AGAP1: variants seen among roughly 807,000 people sequenced by gnomAD.
AGAP1 encodes arf-GAP with GTPase, ANK repeat and PH domain-containing protein 1.
In AGAP1, 29 loss-of-function variants were observed where a neutral mutation model predicts 105.3. The ratio of observed to expected loss-of-function variants is 0.28; its 90% CI spans 0.21 to 0.38. The LOEUF is 0.38. Among genes scored for constraint, AGAP1 ranks in the 10% least tolerant of loss-of-function variants. The probability of loss-of-function intolerance (pLI) is 1.00; values close to 1 mark genes in which losing one functional copy is unlikely to be tolerated. For missense variants in AGAP1, 998 were observed against 1,165.1 expected (o/e 0.86, Z 2.09); for synonymous variants, 509 against 485.9 (o/e 1.05, Z -0.63).
chr2:235,580,749 A>G (rs1559264640), intron 1 of AGAP1, among the ~76,000 whole-genome samples: 1 of 152,118 alleles, frequency 6.6e-6, no homozygotes, highest in Non-Finnish European at 1.5e-5. Flanking sequence ...ACAGTCAGCA[A>G]TTGCAACAGT....
rs912561225 is a variant in AGAP1, at chr2:235,979,122, T to C, written c.1645+10499T>C. On this transcript the variant is annotated intron_variant, in intron 13 of 17. Coordinates refer to ENST00000304032, the MANE Select transcript of AGAP1 (RefSeq NM_001037131.3). The surrounding 1 kb of genome is among the most constrained non-coding windows in gnomAD (Gnocchi z 4.5). ...GGATGACAGAAGTGTATTTGTGGGG[T>C]TTTTTTGTTGTTGTTTTTGTTTTTT... Among the ~76,000 whole-genome samples, 5 of 151,040 alleles carry C rather than the reference T, an allele frequency of 3.3e-5. No homozygotes were observed. Among genetic ancestry groups the C allele is most frequent in the African/African-American group, 1.2e-4 (5 of 40,668 alleles).
At chr2:235,706,179 C>T (rs1338851519) in intron 1 of AGAP1, among the ~76,000 whole-genome samples, 1 of 152,106 alleles carries the variant, frequency 6.6e-6, no homozygotes, top group Non-Finnish European at 1.5e-5. Context: ...ATAGTCTCAG[C>T]CTTGACAAGC....
In AGAP1 at chr2:236,125,088, G is replaced by C. The variant is rs75525543; in HGVS notation, c.*966G>C. ...TCGTAAACTAAGGAAATACACAAAAGGCTGTTTTTTCCGACTGTAAGAGAT... is the reference window on the plus strand; with the variant it reads ...TCGTAAACTAAGGAAATACACAAAACGCTGTTTTTTCCGACTGTAAGAGAT... On this transcript the variant is annotated 3_prime_UTR_variant, in exon 18 of 18. Coordinates refer to ENST00000304032, the MANE Select transcript of AGAP1 (RefSeq NM_001037131.3). This position sits in a 1 kb window ranked among gnomAD's most constrained non-coding sequence, Gnocchi z 5.2. 1,562 of 165,534 alleles carry C rather than the reference G, an allele frequency of 9.4e-3. 23 individuals carry two copies. Among genetic ancestry groups the C allele is most frequent in the African/African-American group, 0.033 (1,392 of 41,554 alleles). The allele number at this position is 165,534 out of a possible 1,614,324, so 10.3% of individuals were successfully genotyped here. A position where few individuals can be genotyped will look rare whatever the true frequency, so the allele number is the denominator to read the frequency against.
At chr2:235,969,644 G>A (rs917412761) in intron 13 of AGAP1, among the ~76,000 whole-genome samples, 7 of 152,150 alleles carry the variant, frequency 4.6e-5, no homozygotes, top group African/African-American at 1.7e-4. Flanking sequence ...AGAGGGAGTG[G>A]CCCATCCCGT....
At chr2:235,589,939 G>A (rs1945273287) in intron 1 of AGAP1, among the ~76,000 whole-genome samples, 1 of 151,858 alleles carries the variant, frequency 6.6e-6, no homozygotes, top group Non-Finnish European at 1.5e-5. Context: ...GGAGTGCAGT[G>A]GTGCAATCTC....
At chr2:235,563,724 A>C (rs890559585) in intron 1 of AGAP1, among the ~76,000 whole-genome samples, 1 of 151,960 alleles carries the variant, frequency 6.6e-6, no homozygotes, top group African/African-American at 2.4e-5. Flanking sequence ...ATGGCTTGGG[A>C]AGGGGCCTCT....
rs2059430139 is a variant in AGAP1, at chr2:236,104,260, C to T, written c.2115-15932C>T. ...GTGAGAGATACGCCACCAGGCCAGG[C>T]TGACATGGGCAGTTCCAGTTTCCCA... On this transcript the variant is annotated intron_variant, in intron 16 of 17. Transcript: ENST00000304032. This position sits in a 1 kb window ranked among gnomAD's most constrained non-coding sequence, Gnocchi z 4.7. Among the ~76,000 whole-genome samples the T allele has an allele frequency of 6.6e-6, 1 of 152,252 alleles. No homozygotes were observed. Among genetic ancestry groups the T allele is most frequent in the South Asian group, 2.1e-4 (1 of 4,834 alleles).
chr2:235,529,324 C>G (rs1942964875), intron 1 of AGAP1, among the ~76,000 whole-genome samples: 1 of 152,188 alleles, frequency 6.6e-6, no homozygotes, highest in Non-Finnish European at 1.5e-5. Flanking sequence ...CCACTGTTGC[C>G]AAGTATCTTA....
rs1486799847 is a variant in AGAP1 at position 236,089,716 on chromosome 2, G to T, written c.2115-30476G>T. 6.6e-6 allele frequency among the ~76,000 whole-genome samples: 1 copy of T among 152,192 alleles called. No individual in the cohort carries two copies. The highest frequency in any genetic ancestry group is 2.4e-5 in the African/African-American group (1 of 41,444). On this transcript the variant is annotated intron_variant, in intron 16 of 17. Coordinates refer to ENST00000304032, the MANE Select transcript of AGAP1 (RefSeq NM_001037131.3). The surrounding 1 kb of genome is among the most constrained non-coding windows in gnomAD (Gnocchi z 5.6). Reference sequence around the variant, plus strand: ...TATGCTGCTTTTCAGACATCCAAATGGGGGATTGAACTGTGAGAGTGCAGG... The same window carrying T: ...TATGCTGCTTTTCAGACATCCAAATTGGGGATTGAACTGTGAGAGTGCAGG...
At chr2:235,507,932 T>G (rs973603015) in intron 1 of AGAP1, among the ~76,000 whole-genome samples, 1 of 152,074 alleles carries the variant, frequency 6.6e-6, no homozygotes, top group Non-Finnish European at 1.5e-5. Flanking sequence ...TGATAGGTAG[T>G]TTTTCAGTCC....
rs148354966 is a variant in AGAP1 at position 235,937,918 on chromosome 2, C to T, written c.1483+6995C>T. Among the ~76,000 whole-genome samples the T allele has an allele frequency of 3.2e-4, 49 of 152,336 alleles. 1 individual carries two copies. In the East Asian group the frequency reaches 6.4e-3, roughly 20 times the overall value. ...GCCCCGATCTGGACAATGAAAGTTT[C>T]GCTTCCTTGGCCCCTTCCAGCTGCG... On this transcript the variant is annotated intron_variant, in intron 12 of 17. Coordinates refer to ENST00000304032, the MANE Select transcript of AGAP1 (RefSeq NM_001037131.3).
intron 6 of AGAP1, among the ~76,000 whole-genome samples, chr2:235,786,207 G>A (rs930319425): frequency 1.3e-5 from 2 of 152,170 alleles, no homozygotes; most frequent in Non-Finnish European, 2.9e-5. Context: ...CTTGGAAGAC[G>A]CTGATTTGCA....
chr2:235,645,777 G>C (rs553566284), intron 1 of AGAP1, among the ~76,000 whole-genome samples: 1 of 152,294 alleles, frequency 6.6e-6, no homozygotes, highest in East Asian at 1.9e-4. Flanking sequence ...TCTGCTACCT[G>C]TTTCTTGTGT....
At chr2:235,676,033 T>C (rs1948717193) in intron 1 of AGAP1, among the ~76,000 whole-genome samples, 1 of 152,220 alleles carries the variant, frequency 6.6e-6, no homozygotes, top group African/African-American at 2.4e-5. Flanking sequence ...CTAGTAGTTT[T>C]TGTCTTTTTA....
Position 235,817,618 on chromosome 2 carries a change from C to T in AGAP1, c.1050+10287C>T, listed in dbSNP as rs562995059. ...GAGTTTGTTAGTTTTAGGTTGGGTGCGGTGCGTCATGCCTGTAATCCCAGC... is the reference window on the plus strand; with the variant it reads ...GAGTTTGTTAGTTTTAGGTTGGGTGTGGTGCGTCATGCCTGTAATCCCAGC... On this transcript the variant is annotated intron_variant, in intron 9 of 17. Coordinates refer to ENST00000304032, the MANE Select transcript of AGAP1 (RefSeq NM_001037131.3). Among the ~76,000 whole-genome samples the T allele has an allele frequency of 1.6e-4, 25 of 151,984 alleles. No individual in the cohort carries two copies. The South Asian group carries it at 4.8e-3, about 29-fold the overall frequency.
intron 1 of AGAP1, among the ~76,000 whole-genome samples, chr2:235,595,348 C>T (rs1264551442): frequency 6.6e-6 from 1 of 152,146 alleles, no homozygotes; most frequent in Non-Finnish European, 1.5e-5. Flanking sequence ...GTGAAACTGA[C>T]CAGAAGCACA....
At chr2:235,862,631 A>AT (rs1184173724) in intron 9 of AGAP1, among the ~76,000 whole-genome samples, 5 of 152,266 alleles carry the variant, frequency 3.3e-5, no homozygotes, top group African/African-American at 4.8e-5. Flanking sequence ...TAAGACTAAA[A>AT]TTGACACATG....
chr2:235,630,270 A>G (rs746171733), intron 1 of AGAP1, among the ~76,000 whole-genome samples: 6 of 151,926 alleles, frequency 3.9e-5, no homozygotes, highest in African/African-American at 7.3e-5. Context: ...CTGGAGTGCA[A>G]TGGCACTATC....
chr2:235,513,790 C>T (rs1942257357), intron 1 of AGAP1, among the ~76,000 whole-genome samples: 1 of 152,144 alleles, frequency 6.6e-6, no homozygotes, highest in Non-Finnish European at 1.5e-5. Flanking sequence ...GATAGAGGAC[C>T]ACCCAGCTGT....
Sources: gnomAD v4.1 joint callset for allele counts (sites outside exome capture counted in the v4.1 genomes callset) on GRCh38, gnomAD v4.1.1 for gene constraint, Gnocchi (gnomAD v3.1) non-coding constraint, MANE v1.5 for transcripts, NCBI Gene and HGNC (gene_info 2026-07-23, HGNC 2026-07-21) for gene names.